Variants in ITPR1 observed in about 807,000 individuals in gnomAD.
The protein encoded by ITPR1 is inositol 1,4,5-trisphosphate receptor type 1.
A neutral mutation model predicts 318.4 loss-of-function variants in ITPR1; 96 were observed. That is an observed-to-expected ratio of 0.30 (90% CI 0.26 to 0.36). The LOEUF is 0.36. Ranked by LOEUF, ITPR1 falls within the 10% of genes least tolerant of loss-of-function variation. ITPR1 has a pLI of 1.00. For missense variants in ITPR1, 2,440 were observed against 3,460.2 expected, an observed-to-expected ratio of 0.71 and a Z score of 7.40; for synonymous variants, 1,312 against 1,289.9, an observed-to-expected ratio of 1.02 and a Z score of -0.37.
At chr3:4,543,498 A>G (rs538979876) in intron 4 of ITPR1, among the ~76,000 whole-genome samples, 47 of 152,376 alleles carry the variant, frequency 3.1e-4, no homozygotes, top group African/African-American at 1.1e-3. Context: ...CAGTCCAGGT[A>G]TCCACTGTGA....
intron 4 of ITPR1, among the ~76,000 whole-genome samples, chr3:4,526,623 A>T (rs1421767994): frequency 6.6e-6 from 1 of 152,234 alleles, no homozygotes; most frequent in Non-Finnish European, 1.5e-5. Context: ...TGTGCAAAGC[A>T]CTTCCTTTGA....
intron 12 of ITPR1, among the ~76,000 whole-genome samples, chr3:4,656,957 G>T (rs2093724425): frequency 6.6e-6 from 1 of 152,184 alleles, no homozygotes; most frequent in Non-Finnish European, 1.5e-5. Context: ...CCCCCTCCTT[G>T]AATATCTGTA....
Position 4,618,645 on chromosome 3 carries a change from C to G in ITPR1, c.164-9118C>G, listed in dbSNP as rs1351309784. 2.6e-5 allele frequency among the ~76,000 whole-genome samples: 4 copies of G among 152,312 alleles called. No individual in the cohort carries two copies. The East Asian group carries it at 5.8e-4, about 22-fold the overall frequency. On this transcript the variant is annotated intron_variant, in intron 4 of 61. Transcript: ENST00000649015. ...TTGTAGCGTTTACCGAGTCTTCCCT[C>G]TCTCCAATTCCTCAGCATGTTTTCC...
intron 40 of ITPR1, among the ~76,000 whole-genome samples, chr3:4,724,159 T>A (rs2042349213): frequency 6.6e-6 from 1 of 152,118 alleles, no homozygotes. Flanking sequence ...CTCCCTGAGA[T>A]TAGTGGAGTT....
In ITPR1 at chr3:4,841,844, A is replaced by G. The variant is rs186189225; in HGVS notation, c.8191-4295A>G. ...GAATCTGAATTGTATCTATACATTGATAGTAAATCAACATATTTGTATTCA... is the reference window on the plus strand; with the variant it reads ...GAATCTGAATTGTATCTATACATTGGTAGTAAATCAACATATTTGTATTCA... On this transcript the variant is annotated intron_variant, in intron 61 of 61. Coordinates refer to ENST00000649015, the MANE Select transcript of ITPR1 (RefSeq NM_001378452.1). Among the ~76,000 whole-genome samples, 78 of 152,350 alleles carry G rather than the reference A, an allele frequency of 5.1e-4. 1 individual carries two copies. The highest frequency in any genetic ancestry group is 4.4e-5 in the Non-Finnish European group (3 of 68,028).
At chr3:4,730,336 T>C (rs1478936023) in intron 42 of ITPR1, among the ~76,000 whole-genome samples, 9 of 149,076 alleles carry the variant, frequency 6.0e-5, no homozygotes, top group Non-Finnish European at 1.3e-4. Context: ...AAAAACCTTA[T>C]AATTAAAAGC....
At chr3:4,793,451 C>G (rs184160318) in intron 52 of ITPR1, among the ~76,000 whole-genome samples, 75 of 152,328 alleles carry the variant, frequency 4.9e-4, no homozygotes, top group Middle Eastern at 3.4e-3. Context: ...TCAGCTTCAG[C>G]GGTTATCAAC....
chr3:4,748,132 G>T (rs1050448303), intron 44 of ITPR1, among the ~76,000 whole-genome samples: 7 of 152,176 alleles, frequency 4.6e-5, no homozygotes, highest in African/African-American at 1.7e-4. Context: ...AACTGAGTCT[G>T]AAAAAAGCCA....
At position 4,847,326 on chromosome 3, in the gene ITPR1, TGAA is replaced by T. The variant is rs1175124400; in HGVS notation, c.*1102_*1104del. 6.8e-6 allele frequency: 1 copy of T among 147,306 alleles called. No homozygotes were observed. The highest frequency in any genetic ancestry group is 1.5e-5 in the Non-Finnish European group (1 of 67,412). 9.1% of individuals were successfully genotyped at this position (147,306 alleles called of 1,614,324 possible). A position where few individuals can be genotyped will look rare whatever the true frequency, so the allele number is the denominator to read the frequency against. The stretch of plus-strand genomic sequence containing the variant: ...TTCTTTTCTTGATGGATGAAAAATA[TGAA>T]AGGAAACTTTTATATCTGTTGCCTA... On this transcript the variant is annotated 3_prime_UTR_variant, in exon 62 of 62. Transcript: ENST00000649015.
In ITPR1 at chr3:4,733,209, C is replaced by G. The variant is rs1048199857; in HGVS notation, c.5342C>G (p.Pro1781Arg). The part of the protein sequence containing the change: ...GPLSAGGPGK[P>R]GGGGGGSGSS... ...CTGTCAGCAGGAGGACCCGGCAAGC[C>G]CGGGGGAGGAGGTACGCTTTGTGGT... The change falls in exon 43 of 62, where the codon CCC (proline) becomes CGC (arginine). Residue 1781 changes from proline (P) to arginine (R), a missense_variant. Pro to Arg is a moderately radical substitution (Grantham distance 103). Coordinates refer to ENST00000649015, the MANE Select transcript of ITPR1 (RefSeq NM_001378452.1). 5.6e-6 allele frequency: 9 copies of G among 1,613,778 alleles called. No homozygotes were observed. The highest frequency in any genetic ancestry group is 7.6e-6 in the Non-Finnish European group (9 of 1,179,870).
chr3:4,661,689 T>C (rs6801424), intron 14 of ITPR1, among the ~76,000 whole-genome samples: 35,238 of 152,196 alleles, frequency 0.23, 4,353 homozygotes, highest in Non-Finnish European at 0.28. Flanking sequence ...TTTAGATTTA[T>C]AGAAAAGTTG....
intron 44 of ITPR1, among the ~76,000 whole-genome samples, chr3:4,758,938 C>T (rs970407101): frequency 1.3e-5 from 2 of 152,216 alleles, no homozygotes; most frequent in African/African-American, 4.8e-5. Context: ...GTGTCAAAAA[C>T]ACTTTGATTA....
intron 4 of ITPR1, among the ~76,000 whole-genome samples, chr3:4,615,726 A>G (rs911739291): frequency 6.6e-6 from 1 of 152,152 alleles, no homozygotes; most frequent in Non-Finnish European, 1.5e-5. Flanking sequence ...ATCCACATAC[A>G]GTAATCATTG....
intron 30 of ITPR1, among the ~76,000 whole-genome samples, chr3:4,688,166 G>C (rs939699619): frequency 7.2e-5 from 11 of 152,208 alleles, no homozygotes; most frequent in Non-Finnish European, 1.0e-4. Context: ...TTACAGGTAT[G>C]AGCCACTGTG....
At chr3:4,642,414 G>A (rs560344776) in intron 7 of ITPR1, among the ~76,000 whole-genome samples, 163 bp downstream of exon 7, 73 of 152,318 alleles carry the variant, frequency 4.8e-4, no homozygotes, top group African/African-American at 1.7e-3. Context: ...ACAGGGAACT[G>A]TGGAGAGAAG....
chr3:4,600,576 C>T (rs1419602550), intron 4 of ITPR1, among the ~76,000 whole-genome samples: 1 of 152,066 alleles, frequency 6.6e-6, no homozygotes, highest in African/African-American at 2.4e-5. Flanking sequence ...AAATTGAGAA[C>T]ATTTTCCTGG....
chr3:4,676,355 T>A (rs2094185251), intron 23 of ITPR1, among the ~76,000 whole-genome samples: 3 of 151,606 alleles, frequency 2.0e-5, no homozygotes, highest in Non-Finnish European at 4.4e-5. Flanking sequence ...TAAAGAAAAT[T>A]AAAAAAAATA....
chr3:4,523,689 C>G (rs994325966), intron 4 of ITPR1, among the ~76,000 whole-genome samples: 1 of 152,184 alleles, frequency 6.6e-6, no homozygotes, highest in African/African-American at 2.4e-5. Flanking sequence ...CTTTCTGTGC[C>G]TGGCTTATTT....
At chr3:4,807,058 GCTTACAAAGAGGGGGA>G (rs1559930060) in intron 55 of ITPR1, among the ~76,000 whole-genome samples, 15 of 147,612 alleles carry the variant, frequency 1.0e-4, no homozygotes, top group Non-Finnish European at 1.9e-4. Flanking sequence ...CTAAGGGTTG[GCTTACAAAGAGGGGGA>G]CTTACAAAGA....
Sources: allele counts gnomAD v4.1 joint callset (sites outside exome capture counted in the v4.1 genomes callset), GRCh38; gene constraint gnomAD v4.1.1; transcripts MANE v1.5; gene names NCBI Gene and HGNC (gene_info 2026-07-23, HGNC 2026-07-21).